DIAPH3: variants seen among roughly 807,000 people sequenced by gnomAD.
DIAPH3 encodes protein diaphanous homolog 3.
Under a neutral mutation model 144.3 loss-of-function variants are expected in DIAPH3, and 117 were observed. The observed-to-expected ratio is 0.81, with a 90% CI of 0.70 to 0.95. DIAPH3 has a LOEUF of 0.95. Among genes scored for constraint, DIAPH3 ranks in the 40% least tolerant of loss-of-function variants. The pLI, the probability that DIAPH3 is intolerant of heterozygous loss-of-function variation, is 0.00. For synonymous variants in DIAPH3, 519 were observed against 488.9 expected (o/e 1.06, Z -0.81); for missense variants, 1,421 against 1,412.7 (o/e 1.01, Z -0.09).
chr13:60,023,437 CT>C (rs36089305), intron 5 of DIAPH3, among the ~76,000 whole-genome samples: 686 of 143,700 alleles, frequency 4.8e-3, no homozygotes, highest in Middle Eastern at 7.2e-3. Context: ...GTTTTCAGAA[CT>C]TTTTTTTTTT....
At chr13:59,730,601 A>G (rs535235376) in intron 27 of DIAPH3, among the ~76,000 whole-genome samples, 1 of 152,344 alleles carries the variant, frequency 6.6e-6, no homozygotes, top group South Asian at 2.1e-4. Flanking sequence ...ATATAGACTT[A>G]GTTAAAGGTA....
intron 7 of DIAPH3, among the ~76,000 whole-genome samples, chr13:60,011,757 A>G (rs903881401): frequency 2.0e-5 from 3 of 152,204 alleles, no homozygotes; most frequent in East Asian, 1.9e-4. Context: ...AACTGCCACA[A>G]TGGGCACAGG....
intron 24 of DIAPH3, among the ~76,000 whole-genome samples, chr13:59,821,493 T>A (rs929835939): frequency 1.4e-4 from 21 of 152,030 alleles, no homozygotes; most frequent in African/African-American, 3.6e-4. Context: ...GGAAAAAAAA[T>A]TTAAAAAATT....
rs113991448 is a variant in DIAPH3 at position 59,867,087 on chromosome 13, A to C, written c.2608-5551T>G. Reference sequence around the variant, plus strand: ...TTTATATATATAAATATTTTTAAATATATATTTTAAATAATCATTGTGCTA... The same window carrying C: ...TTTATATATATAAATATTTTTAAATCTATATTTTAAATAATCATTGTGCTA... On this transcript the variant is annotated intron_variant, in intron 21 of 27. Transcript: ENST00000400324. Among the ~76,000 whole-genome samples the C allele has an allele frequency of 2.7e-3, 404 of 148,740 alleles. 2 individuals are homozygous for C. Among genetic ancestry groups the C allele is most frequent in the African/African-American group, 9.2e-3 (378 of 40,998 alleles).
intron 22 of DIAPH3, among the ~76,000 whole-genome samples, chr13:59,848,123 T>G (rs1455523621): frequency 6.6e-6 from 1 of 152,096 alleles, no homozygotes; most frequent in East Asian, 1.9e-4. Flanking sequence ...GCCAACATTA[T>G]TCCTCCTCTA....
chr13:59,913,173 T>G (rs1288812907), intron 19 of DIAPH3, among the ~76,000 whole-genome samples: 1 of 152,196 alleles, frequency 6.6e-6, no homozygotes, highest in African/African-American at 2.4e-5. Context: ...CAAATCCCCC[T>G]GAATATCTCA....
At chr13:59,882,831 G>A (rs907344984) in intron 20 of DIAPH3, among the ~76,000 whole-genome samples, 3 of 152,110 alleles carry the variant, frequency 2.0e-5, no homozygotes, top group Non-Finnish European at 4.4e-5. Flanking sequence ...ATAATGAGAT[G>A]TAATCTGAAG....
At chr13:60,045,316 G>A (rs1020049478) in intron 4 of DIAPH3, among the ~76,000 whole-genome samples, 1 of 151,346 alleles carries the variant, frequency 6.6e-6, no homozygotes, top group African/African-American at 2.4e-5. Context: ...CTCCAGCCTG[G>A]GCAACAAGAT....
intron 27 of DIAPH3, among the ~76,000 whole-genome samples, chr13:59,769,166 C>T (rs566739745): frequency 6.6e-6 from 1 of 152,240 alleles, no homozygotes. Context: ...AAAAGTTTTA[C>T]AGACAGTTCA....
At chr13:59,947,237 T>G (rs940855313) in intron 17 of DIAPH3, among the ~76,000 whole-genome samples, 1 of 152,174 alleles carries the variant, frequency 6.6e-6, no homozygotes, top group Non-Finnish European at 1.5e-5. Context: ...AACATTCTCA[T>G]AGATTATGGG....
intron 27 of DIAPH3, among the ~76,000 whole-genome samples, chr13:59,718,611 T>C (rs1487258941): frequency 1.3e-5 from 2 of 152,230 alleles, no homozygotes; most frequent in Admixed American, 6.5e-5. Flanking sequence ...CAAATTGTTA[T>C]GTCTTCTAAT....
chr13:59,706,699 T>A (rs1394127165), intron 27 of DIAPH3, among the ~76,000 whole-genome samples: 1 of 152,166 alleles, frequency 6.6e-6, no homozygotes, highest in Non-Finnish European at 1.5e-5. Flanking sequence ...TTTATCTAGA[T>A]CCTGAACAAA....
At chr13:60,136,010 G>A (rs992914146) in intron 1 of DIAPH3, among the ~76,000 whole-genome samples, 18 of 152,286 alleles carry the variant, frequency 1.2e-4, no homozygotes, top group Admixed American at 1.1e-3. Flanking sequence ...AAGTTTACAT[G>A]ATCTCAAGGT....
chr13:59,697,374 G>A (rs958348976), intron 27 of DIAPH3, among the ~76,000 whole-genome samples: 1 of 143,058 alleles, frequency 7.0e-6, no homozygotes, highest in African/African-American at 2.5e-5. Flanking sequence ...GCAAGGGAAT[G>A]GCGTGAACTC....
At chr13:59,703,523 A>C (rs943256623) in intron 27 of DIAPH3, among the ~76,000 whole-genome samples, 1 of 152,104 alleles carries the variant, frequency 6.6e-6, no homozygotes. Context: ...CTGCTTATCT[A>C]AACTGCTATT....
chr13:60,083,216 A>C (rs1594616032), intron 4 of DIAPH3, among the ~76,000 whole-genome samples: 1 of 152,186 alleles, frequency 6.6e-6, no homozygotes, highest in South Asian at 2.1e-4. Flanking sequence ...TAACACATCA[A>C]TTTTTAATGA....
intron 4 of DIAPH3, among the ~76,000 whole-genome samples, chr13:60,057,410 G>A (rs2056598037): frequency 6.6e-6 from 1 of 151,880 alleles, no homozygotes; most frequent in African/African-American, 2.4e-5. Flanking sequence ...GACACAAATG[G>A]AAATAACATC....
At chr13:59,696,980 C>G (rs1319521185) in intron 27 of DIAPH3, among the ~76,000 whole-genome samples, 1 of 152,048 alleles carries the variant, frequency 6.6e-6, no homozygotes, top group Non-Finnish European at 1.5e-5. Flanking sequence ...TTATCCTATT[C>G]TAAACCTCTG....
At chr13:59,774,300 A>G (rs1262119157) in intron 26 of DIAPH3, 52 bp from the exon 27 acceptor site, 3 of 1,485,664 alleles carry the variant, frequency 2.0e-6, no homozygotes, top group Non-Finnish European at 2.8e-6. Context: ...GGGCATCTCA[A>G]GAAGGAAAAC....
Sources: allele counts gnomAD v4.1 joint callset (sites outside exome capture counted in the v4.1 genomes callset), GRCh38; gene constraint gnomAD v4.1.1; transcripts MANE v1.5; gene names NCBI Gene and HGNC (gene_info 2026-07-23, HGNC 2026-07-21).